The following SLIT3 variants were observed in gnomAD, a reference collection of about 807,000 sequenced individuals.
SLIT3 encodes slit guidance ligand 3.
A neutral mutation model predicts 184.0 loss-of-function variants in SLIT3; 68 were observed. The ratio of observed to expected loss-of-function variants is 0.37; its 90% CI spans 0.30 to 0.45. The LOEUF is 0.45. Ranked by LOEUF, SLIT3 falls within the 20% of genes least tolerant of loss-of-function variation. The pLI, the probability that SLIT3 is intolerant of heterozygous loss-of-function variation, is 1.00. For synonymous variants in SLIT3, 831 were observed against 828.6 expected (o/e 1.00, Z -0.05); for missense variants, 1,707 against 2,026.0 (o/e 0.84, Z 3.02).
At chr5:168,880,354 C>G (rs954888403) in intron 5 of SLIT3, among the ~76,000 whole-genome samples, 1 of 152,220 alleles carries the variant, frequency 6.6e-6, no homozygotes, top group African/African-American at 2.4e-5. Context: ...CAACCGGCTT[C>G]CACCTCTCTT....
At chr5:169,051,613 C>G (rs1228566985) in intron 4 of SLIT3, among the ~76,000 whole-genome samples, 1 of 152,186 alleles carries the variant, frequency 6.6e-6, no homozygotes, top group Admixed American at 6.5e-5. Context: ...CTTTGGCTAC[C>G]TAAGACCTAT....
At chr5:169,110,909 T>A (rs562583156) in intron 4 of SLIT3, among the ~76,000 whole-genome samples, 1 of 152,252 alleles carries the variant, frequency 6.6e-6, no homozygotes, top group East Asian at 1.9e-4. Context: ...CCAGTGCACA[T>A]CCAGTGGGTG....
At chr5:169,270,952 G>C (rs1766585833) in intron 1 of SLIT3, among the ~76,000 whole-genome samples, 1 of 152,148 alleles carries the variant, frequency 6.6e-6, no homozygotes, top group South Asian at 2.1e-4. Flanking sequence ...ATGTCAAACG[G>C]CTAGGACAAT....
chr5:169,072,367 A>G (rs1758584027), intron 4 of SLIT3, among the ~76,000 whole-genome samples: 1 of 152,242 alleles, frequency 6.6e-6, no homozygotes. Flanking sequence ...CATCTGTCAA[A>G]TGAGGCAAAT....
intron 4 of SLIT3, among the ~76,000 whole-genome samples, chr5:169,006,827 C>T (rs891465859): frequency 5.3e-5 from 8 of 152,076 alleles, no homozygotes; most frequent in African/African-American, 1.4e-4. Context: ...ACATGAGAGT[C>T]GAGCCCCTTG....
At chr5:169,241,235 T>C (rs1010073376) in intron 3 of SLIT3, among the ~76,000 whole-genome samples, 1 of 152,208 alleles carries the variant, frequency 6.6e-6, no homozygotes. Flanking sequence ...TAGGTAAATA[T>C]ATTAAGCAAA....
At chr5:168,724,097 A>G (rs1219221194) in intron 21 of SLIT3, among the ~76,000 whole-genome samples, 3 of 152,208 alleles carry the variant, frequency 2.0e-5, no homozygotes, top group Non-Finnish European at 2.9e-5. Context: ...AATTAACCCC[A>G]ATGTCCATAG....
chr5:168,691,706 G>A (rs910084938), intron 29 of SLIT3, among the ~76,000 whole-genome samples: 2 of 152,226 alleles, frequency 1.3e-5, no homozygotes, highest in Non-Finnish European at 2.9e-5. Context: ...CTTGGTGCTA[G>A]TGGCTTTCCT....
intron 3 of SLIT3, among the ~76,000 whole-genome samples, chr5:169,213,125 A>G (rs1353696651): frequency 6.6e-6 from 1 of 152,198 alleles, no homozygotes; most frequent in East Asian, 1.9e-4. Flanking sequence ...CTCAGGATAC[A>G]AAATCAATGT....
At chr5:169,250,789 T>C (rs972031) in intron 2 of SLIT3, among the ~76,000 whole-genome samples, 114,031 of 152,210 alleles carry the variant, frequency 0.75, 42,762 homozygotes, top group East Asian at 0.8. Flanking sequence ...TTAGACTTTT[T>C]GACAGACAAG....
At chr5:169,014,762 C>T (rs986531986) in intron 4 of SLIT3, among the ~76,000 whole-genome samples, 4 of 152,124 alleles carry the variant, frequency 2.6e-5, no homozygotes, top group Non-Finnish European at 5.9e-5. Flanking sequence ...ACCAGCCTGA[C>T]CAATATGGTG....
At chr5:168,857,594 T>C (rs1465871723) in intron 5 of SLIT3, among the ~76,000 whole-genome samples, 1 of 152,206 alleles carries the variant, frequency 6.6e-6, no homozygotes, top group Non-Finnish European at 1.5e-5. Context: ...TGCTGAGTTT[T>C]AATTCAGTCC....
intron 4 of SLIT3, among the ~76,000 whole-genome samples, chr5:168,977,037 G>A (rs1754788256): frequency 6.6e-6 from 1 of 152,122 alleles, no homozygotes; most frequent in African/African-American, 2.4e-5. Context: ...GAGGGGTTGG[G>A]GGAGGTCCTC....
chr5:169,231,491 G>T (rs151125042), intron 3 of SLIT3, among the ~76,000 whole-genome samples: 2 of 152,124 alleles, frequency 1.3e-5, no homozygotes, highest in South Asian at 4.1e-4. Flanking sequence ...TTTTGTCCCC[G>T]ATTATGCTTC....
At chr5:169,032,624 A>G (rs909446772) in intron 4 of SLIT3, among the ~76,000 whole-genome samples, 1 of 150,574 alleles carries the variant, frequency 6.6e-6, no homozygotes, top group African/African-American at 2.4e-5. Flanking sequence ...AGTGTAAAGA[A>G]TACTACATGT....
At chr5:169,003,187 A>C (rs1041860027) in intron 4 of SLIT3, among the ~76,000 whole-genome samples, 1 of 152,228 alleles carries the variant, frequency 6.6e-6, no homozygotes, top group Non-Finnish European at 1.5e-5. Context: ...TAGAATACTC[A>C]GTGTGTCTGA....
At chr5:168,714,304 C>T (rs1762650291) in intron 23 of SLIT3, among the ~76,000 whole-genome samples, 1 of 152,232 alleles carries the variant, frequency 6.6e-6, no homozygotes, top group Non-Finnish European at 1.5e-5. Flanking sequence ...TATTGTTAGT[C>T]ATTTCCAAAT....
intron 3 of SLIT3, among the ~76,000 whole-genome samples, chr5:169,221,725 T>C (rs1022845909): frequency 6.6e-6 from 1 of 152,310 alleles, no homozygotes; most frequent in East Asian, 1.9e-4. Flanking sequence ...CATCAGTTCC[T>C]AGTGCTGTGT....
intron 28 of SLIT3, among the ~76,000 whole-genome samples, chr5:168,693,247 C>T (rs1375664682): frequency 2.6e-5 from 4 of 152,180 alleles, no homozygotes; most frequent in Non-Finnish European, 5.9e-5. Flanking sequence ...GGACCCATAA[C>T]CTCCCCCAGG....
Sources: gnomAD v4.1 joint callset for allele counts (sites outside exome capture counted in the v4.1 genomes callset) on GRCh38, gnomAD v4.1.1 for gene constraint, MANE v1.5 for transcripts, NCBI Gene and HGNC (gene_info 2026-07-23, HGNC 2026-07-21) for gene names.